The following TFDP1 variants were observed in gnomAD, a reference collection of about 807,000 sequenced individuals.
The protein encoded by TFDP1 is transcription factor Dp-1, also known as DRTF1-polypeptide 1.
TFDP1 carries 6 observed loss-of-function variants against 48.0 expected under a neutral mutation model. The observed-to-expected ratio is 0.13, with a 90% CI of 0.07 to 0.25. The LOEUF (loss-of-function observed/expected upper bound fraction) is 0.25. Among genes scored for constraint, TFDP1 ranks in the 10% least tolerant of loss-of-function variants. TFDP1 has a pLI of 1.00. For missense variants in TFDP1, 335 were observed against 543.0 expected, an observed-to-expected ratio of 0.62 and a Z score of 3.81; for synonymous variants, 201 against 211.6, an observed-to-expected ratio of 0.95 and a Z score of 0.44.
In TFDP1 at chr13:113,584,856, G is replaced by T. The variant is rs1240350661; in HGVS notation, c.-97G>T. On this transcript the variant is annotated 5_prime_UTR_variant, in exon 1 of 12. Coordinates refer to ENST00000375370, the MANE Select transcript of TFDP1 (RefSeq NM_007111.5). ...GCGCTCCGCACCGCGCCCTCTCCGCGTCCCCGCCCGCGCGGCCGGACCGGG... is the reference window on the plus strand; with the variant it reads ...GCGCTCCGCACCGCGCCCTCTCCGCTTCCCCGCCCGCGCGGCCGGACCGGG... 1 of 146,156 alleles carries T rather than the reference G, an allele frequency of 6.8e-6. No individual in the cohort carries two copies. The highest frequency in any genetic ancestry group is 2.0e-4 in the East Asian group (1 of 5,058). 9.1% of individuals were successfully genotyped at this position (146,156 alleles called of 1,614,324 possible). A position where few individuals can be genotyped will look rare whatever the true frequency, so the allele number is the denominator to read the frequency against.
chr13:113,625,673 G>A (rs1202228270), intron 4 of TFDP1, among the ~76,000 whole-genome samples: 1 of 124,998 alleles, frequency 8.0e-6, no homozygotes, highest in African/African-American at 3.4e-5. Flanking sequence ...GTGTCCTCAG[G>A]CGTCTCTCAC....
chr13:113,594,667 G>A (rs1052942294), intron 2 of TFDP1, among the ~76,000 whole-genome samples: 5 of 152,242 alleles, frequency 3.3e-5, no homozygotes, highest in Non-Finnish European at 5.9e-5. Flanking sequence ...GGTGCCGCCC[G>A]TTCCCAGTGG....
Position 113,598,415 on chromosome 13 carries a change from C to T in TFDP1, c.12+12566C>T, listed in dbSNP as rs1047390520. 2.6e-5 allele frequency among the ~76,000 whole-genome samples: 4 copies of T among 152,104 alleles called. No individual in the cohort carries two copies. In the South Asian group the frequency reaches 8.3e-4, roughly 32 times the overall value. ...TAGATTATATAGATTAGAGCAGCCT[C>T]TCCTGGGAGAGGGATGCTGGGTGCC... On this transcript the variant is annotated intron_variant, in intron 2 of 11. Coordinates refer to ENST00000375370, the MANE Select transcript of TFDP1 (RefSeq NM_007111.5). This position sits in a 1 kb window ranked among gnomAD's most constrained non-coding sequence, Gnocchi z 4.2.
intron 2 of TFDP1, among the ~76,000 whole-genome samples, chr13:113,592,305 G>A (rs984025878): frequency 2.6e-5 from 4 of 152,200 alleles, no homozygotes; most frequent in East Asian, 1.9e-4. Context: ...ACAGGCATGC[G>A]CCACCATACC....
In TFDP1 at chr13:113,637,219, C is replaced by T. The variant is rs113939988; in HGVS notation, c.1006+519C>T. 6.5e-3 allele frequency: 1,301 copies of T among 199,400 alleles called. 49 individuals are homozygous for T. In the East Asian group the frequency reaches 0.11, roughly 17 times the overall value. 12.4% of individuals were successfully genotyped at this position (199,400 alleles called of 1,614,324 possible). On this transcript the variant is annotated intron_variant, in intron 10 of 11. Coordinates refer to ENST00000375370, the MANE Select transcript of TFDP1 (RefSeq NM_007111.5). Reference sequence around the variant, plus strand: ...TCCTTGGGGGCCGTAGGGTCCCAGCCACTGACAGCAGGATGGCTTTAAGGT... The same window carrying T: ...TCCTTGGGGGCCGTAGGGTCCCAGCTACTGACAGCAGGATGGCTTTAAGGT...
At chr13:113,586,059 AC>A in intron 2 of TFDP1, 1 of 481,404 alleles carries the variant, frequency 2.1e-6, no homozygotes, top group Non-Finnish European at 3.7e-6. Context: ...GGCCTTGGAT[AC>A]CACACTGCAG....
At chr13:113,590,355 A>C (rs892979813) in intron 2 of TFDP1, among the ~76,000 whole-genome samples, 2 of 152,200 alleles carry the variant, frequency 1.3e-5, no homozygotes, top group African/African-American at 4.8e-5. Context: ...GCTAATGCCA[A>C]GAGGGGACCA....
At chr13:113,619,973 C>G (rs2048958622) in intron 3 of TFDP1, among the ~76,000 whole-genome samples, 1 of 152,204 alleles carries the variant, frequency 6.6e-6, no homozygotes, top group Admixed American at 6.5e-5. Flanking sequence ...GGATGTCTGC[C>G]TGCATTCACT....
intron 3 of TFDP1, among the ~76,000 whole-genome samples, chr13:113,616,553 C>G (rs545127216): frequency 1.3e-5 from 2 of 152,172 alleles, no homozygotes; most frequent in African/African-American, 4.8e-5. Flanking sequence ...TTATACATAT[C>G]CTCTTAGCCC....
intron 4 of TFDP1, among the ~76,000 whole-genome samples, chr13:113,630,308 G>A (rs974574645): frequency 5.3e-5 from 8 of 152,202 alleles, no homozygotes; most frequent in African/African-American, 1.7e-4. Context: ...ACAGAAGGCC[G>A]CACTCTGATG....
At chr13:113,629,704 A>G (rs1294578830) in intron 4 of TFDP1, among the ~76,000 whole-genome samples, 1 of 152,110 alleles carries the variant, frequency 6.6e-6, no homozygotes, top group Non-Finnish European at 1.5e-5. Flanking sequence ...ATTTCGACTT[A>G]GGGTATTTTC....
At position 113,633,823 on chromosome 13, in the gene TFDP1, G is replaced by T; in HGVS notation, c.475-67G>T. On this transcript the variant is annotated intron_variant, in intron 6 of 11. Coordinates refer to ENST00000375370, the MANE Select transcript of TFDP1 (RefSeq NM_007111.5). The surrounding 1 kb of genome is among the most constrained non-coding windows in gnomAD (Gnocchi z 4.5). ...GTGCCCCTTTGAGCCAGTGCCCATG[G>T]TCTACAGTTTAAGGATCCACCGGCC... 6.5e-7 allele frequency: 1 copy of T among 1,547,442 alleles called. No homozygotes were observed. The highest frequency in any genetic ancestry group is 8.7e-7 in the Non-Finnish European group (1 of 1,145,440).
rs955220699 is a variant in TFDP1, at chr13:113,606,827, C to T, written c.13-4169C>T. 2.6e-5 allele frequency among the ~76,000 whole-genome samples: 4 copies of T among 152,148 alleles called. No individual in the cohort carries two copies. The East Asian group carries it at 5.8e-4, about 22-fold the overall frequency. The stretch of plus-strand genomic sequence containing the variant: ...AAATATTTTCAGTGTTTGTCAAACT[C>T]GGTGTGGGGTAAGCGCATCCCACCA... On this transcript the variant is annotated intron_variant, in intron 2 of 11. Coordinates refer to ENST00000375370, the MANE Select transcript of TFDP1 (RefSeq NM_007111.5).
rs2049034815 is a variant in TFDP1 at position 113,623,063 on chromosome 13, A to C, written c.80-117A>C. 4 of 839,510 alleles carry C rather than the reference A, an allele frequency of 4.8e-6. No individual in the cohort carries two copies. Among genetic ancestry groups the C allele is most frequent in the Non-Finnish European group, 7.6e-6 (4 of 524,558 alleles). 52.0% of individuals were successfully genotyped at this position (839,510 alleles called of 1,614,324 possible). ...TTGAGCCCTGGATTTGAGACAGTAC[A>C]CGTGGGGAAAGCTAAGCATCTCTAA... On this transcript the variant is annotated intron_variant, in intron 3 of 11. Coordinates refer to ENST00000375370, the MANE Select transcript of TFDP1 (RefSeq NM_007111.5). The surrounding 1 kb of genome is among the most constrained non-coding windows in gnomAD (Gnocchi z 5.2).
intron 3 of TFDP1, among the ~76,000 whole-genome samples, chr13:113,617,135 C>T (rs2048877783): frequency 6.6e-6 from 1 of 152,278 alleles, no homozygotes; most frequent in East Asian, 1.9e-4. Flanking sequence ...GCTGGAGGCC[C>T]AGCCACGTCA....
chr13:113,606,784 GAC>G (rs543001964), intron 2 of TFDP1, among the ~76,000 whole-genome samples: 60 of 152,208 alleles, frequency 3.9e-4, no homozygotes, highest in African/African-American at 1.3e-3. Flanking sequence ...TTGTGATTTT[GAC>G]ACACATTGTA....
chr13:113,623,057 C>A lies in TFDP1; in HGVS notation c.80-123C>A, dbSNP rs1200585309. 2 of 799,034 alleles carry A rather than the reference C, an allele frequency of 2.5e-6. No individual in the cohort carries two copies. Among genetic ancestry groups the A allele is most frequent in the Non-Finnish European group, 4.0e-6 (2 of 494,168 alleles). The allele number at this position is 799,034 out of a possible 1,614,324, so 49.5% of individuals were successfully genotyped here. On this transcript the variant is annotated intron_variant, in intron 3 of 11. Transcript: ENST00000375370. The surrounding 1 kb of genome is among the most constrained non-coding windows in gnomAD (Gnocchi z 5.2). ...TTGCTCTTGAGCCCTGGATTTGAGA[C>A]AGTACACGTGGGGAAAGCTAAGCAT...
intron 2 of TFDP1, among the ~76,000 whole-genome samples, chr13:113,595,240 C>G (rs74116249): frequency 0.05 from 7,667 of 152,310 alleles, 589 homozygotes; most frequent in African/African-American, 0.17. Context: ...CCCCAAATCT[C>G]TTGGCTCTGG....
intron 2 of TFDP1, among the ~76,000 whole-genome samples, chr13:113,589,650 C>G (rs1277818059): frequency 6.6e-6 from 1 of 151,842 alleles, no homozygotes; most frequent in Non-Finnish European, 1.5e-5. Context: ...GCTCCCGTTG[C>G]AGGTACCGGT....
Sources: gnomAD v4.1 joint callset for allele counts (sites outside exome capture counted in the v4.1 genomes callset) on GRCh38, gnomAD v4.1.1 for gene constraint, Gnocchi (gnomAD v3.1) non-coding constraint, MANE v1.5 for transcripts, NCBI Gene and HGNC (gene_info 2026-07-23, HGNC 2026-07-21) for gene names.